TRHDE: variants seen among roughly 807,000 people sequenced by gnomAD.
TRHDE encodes the protein thyrotropin-releasing hormone-degrading ectoenzyme.
In TRHDE, 72 loss-of-function variants were observed where a neutral mutation model predicts 125.7. That is an observed-to-expected ratio of 0.57 (90% CI 0.47 to 0.70). The LOEUF is 0.70. TRHDE is among the 30% of genes least tolerant of loss of function. TRHDE has a pLI of 0.00. For synonymous variants in TRHDE, 509 were observed against 509.1 expected (o/e 1.00, Z 0.00); for missense variants, 1,110 against 1,327.1 (o/e 0.84, Z 2.54).
intron 2 of TRHDE, among the ~76,000 whole-genome samples, chr12:72,126,184 A>G (rs189527862): frequency 2.0e-5 from 3 of 152,304 alleles, no homozygotes; most frequent in East Asian, 3.9e-4. Flanking sequence ...AAGGAAAACT[A>G]CAAAACACTG....
chr12:72,640,235 G>A (rs1325026992), intron 15 of TRHDE, among the ~76,000 whole-genome samples: 1 of 152,236 alleles, frequency 6.6e-6, no homozygotes, highest in African/African-American at 2.4e-5. Flanking sequence ...CGTCGGAAAA[G>A]CACAGTATTC....
At chr12:72,222,439 A>G (rs1413442093) in intron 2 of TRHDE, among the ~76,000 whole-genome samples, 1 of 152,144 alleles carries the variant, frequency 6.6e-6, no homozygotes, top group African/African-American at 2.4e-5. Flanking sequence ...TCGTAGATCA[A>G]TGATTTTCAA....
chr12:72,280,557 A>C (rs1302357050), intron 1 of TRHDE, among the ~76,000 whole-genome samples: 1 of 152,054 alleles, frequency 6.6e-6, no homozygotes, highest in African/African-American at 2.4e-5. Context: ...TGGTCACCAG[A>C]AAAAAAAGAA....
In TRHDE at chr12:72,376,724, A is replaced by G. The variant is rs925486391; in HGVS notation, c.1189-1271A>G. Among the ~76,000 whole-genome samples the G allele has an allele frequency of 3.9e-5, 6 of 152,318 alleles. No homozygotes were observed. The South Asian group carries it at 8.3e-4, about 21-fold the overall frequency. The stretch of plus-strand genomic sequence containing the variant: ...TTTAGGCAGAGATAATAAAGAGTTA[A>G]TCATATAATCAATTTTTATTATAAA... On this transcript the variant is annotated intron_variant, in intron 2 of 18. Coordinates refer to ENST00000261180, the MANE Select transcript of TRHDE (RefSeq NM_013381.3).
intron 2 of TRHDE, among the ~76,000 whole-genome samples, chr12:72,227,355 G>T (rs1158725988): frequency 4.6e-5 from 7 of 152,108 alleles, no homozygotes; most frequent in Non-Finnish European, 1.0e-4. Flanking sequence ...TGGCAGGCAA[G>T]CGAGAGCTTG....
intron 2 of TRHDE, among the ~76,000 whole-genome samples, chr12:72,114,868 T>A (rs912696759): frequency 4.6e-5 from 7 of 152,198 alleles, no homozygotes; most frequent in Admixed American, 3.3e-4. Flanking sequence ...ACTGTGTTCC[T>A]TAGTATTATT....
chr12:72,148,107 G>T (rs900445124), intron 2 of TRHDE, among the ~76,000 whole-genome samples: 1 of 152,174 alleles, frequency 6.6e-6, no homozygotes, highest in African/African-American at 2.4e-5. Context: ...TTTTAGATGT[G>T]ACAAAAAGAT....
In TRHDE at chr12:72,249,414, T is replaced by C. The variant is rs61924337; in HGVS notation, n.280-128581T>C. ...CAAAAGAAAATATATGAGCTGGGCA[T>C]GGTGGTATGTACCTGTAATCCCAGT... On this transcript the variant is annotated intron_variant and non_coding_transcript_variant, in intron 2 of 4. Coordinates refer to the TRHDE transcript ENST00000548156. Among the ~76,000 whole-genome samples, 1,341 of 152,252 alleles carry C rather than the reference T, an allele frequency of 8.8e-3. 11 individuals are homozygous for C. Among genetic ancestry groups the C allele is most frequent in the Non-Finnish European group, 0.014 (940 of 68,014 alleles).
chr12:72,143,300 G>A (rs560888440), intron 2 of TRHDE, among the ~76,000 whole-genome samples: 1 of 152,238 alleles, frequency 6.6e-6, no homozygotes, highest in East Asian at 1.9e-4. Flanking sequence ...CATTTCAACG[G>A]TGTTAGGAAA....
intron 3 of TRHDE, among the ~76,000 whole-genome samples, chr12:72,426,969 G>A (rs1027999272): frequency 1.3e-5 from 2 of 151,830 alleles, no homozygotes; most frequent in African/African-American, 2.4e-5. Flanking sequence ...CCTATATATA[G>A]TCCTGACCCT....
intron 4 of TRHDE, among the ~76,000 whole-genome samples, chr12:72,472,225 A>G (rs1876683153): frequency 6.6e-6 from 1 of 152,108 alleles, no homozygotes; most frequent in African/African-American, 2.4e-5. Context: ...ATAAAATGTC[A>G]GCTGCATGAG....
At chr12:72,136,800 T>C (rs899668474) in intron 2 of TRHDE, among the ~76,000 whole-genome samples, 1 of 152,178 alleles carries the variant, frequency 6.6e-6, no homozygotes, top group Non-Finnish European at 1.5e-5. Flanking sequence ...TTATGGCATA[T>C]GTTTTTTATG....
intron 2 of TRHDE, among the ~76,000 whole-genome samples, chr12:72,328,114 T>C (rs1869423654): frequency 6.6e-6 from 1 of 152,188 alleles, no homozygotes; most frequent in African/African-American, 2.4e-5. Context: ...ATTATATCCA[T>C]CAAAGCCAAA....
intron 15 of TRHDE, among the ~76,000 whole-genome samples, chr12:72,633,533 A>G (rs1219120938): frequency 1.3e-5 from 2 of 152,066 alleles, no homozygotes; most frequent in Non-Finnish European, 2.9e-5. Context: ...AATGCTGTTT[A>G]GGCACAAGTG....
intron 2 of TRHDE, among the ~76,000 whole-genome samples, chr12:72,113,494 C>A (rs1039706609): frequency 6.6e-6 from 1 of 151,922 alleles, no homozygotes; most frequent in Non-Finnish European, 1.5e-5. Context: ...GATGGAGTCT[C>A]CCTATGTTTC....
intron 3 of TRHDE, among the ~76,000 whole-genome samples, chr12:72,442,656 G>A (rs1462483908): frequency 6.6e-6 from 1 of 151,682 alleles, no homozygotes; most frequent in African/African-American, 2.4e-5. Context: ...TATTTTTGCA[G>A]TAGATCCAAA....
chr12:72,657,834 C>T (rs1036863101), intron 18 of TRHDE, among the ~76,000 whole-genome samples: 1 of 152,228 alleles, frequency 6.6e-6, no homozygotes, highest in South Asian at 2.1e-4. Flanking sequence ...GCACTTCAAA[C>T]ATTGATGGCC....
chr12:72,265,904 T>C (rs186476520), intron 2 of TRHDE, among the ~76,000 whole-genome samples: 2 of 152,022 alleles, frequency 1.3e-5, no homozygotes, highest in East Asian at 3.9e-4. Context: ...TACAGCGATA[T>C]GACCTCAATA....
chr12:72,501,087 T>C (rs1021564683), intron 6 of TRHDE, among the ~76,000 whole-genome samples: 6 of 152,064 alleles, frequency 3.9e-5, no homozygotes, highest in Non-Finnish European at 5.9e-5. Context: ...AGTGAATACA[T>C]TTTTCATATT....
Sources: gnomAD v4.1 joint callset for allele counts (sites outside exome capture counted in the v4.1 genomes callset) on GRCh38, gnomAD v4.1.1 for gene constraint, MANE v1.5 for transcripts, NCBI Gene and HGNC (gene_info 2026-07-23, HGNC 2026-07-21) for gene names.